Variants in PCDHGB2 observed in about 807,000 individuals in gnomAD.
PCDHGB2 encodes protocadherin gamma-B2.
Under a neutral mutation model 59.3 loss-of-function variants are expected in PCDHGB2, and 55 were observed. The observed-to-expected ratio is 0.93, with a 90% confidence interval of 0.75 to 1.16. The LOEUF (loss-of-function observed/expected upper bound fraction) is 1.16. Among genes scored for constraint, PCDHGB2 ranks in the 50% most tolerant of loss-of-function variants. PCDHGB2 has a pLI of 0.00. For synonymous variants in PCDHGB2, 516 were observed against 512.0 expected (o/e 1.01, Z -0.11); for missense variants, 1,228 against 1,198.5 (o/e 1.02, Z -0.36).
chr5:141,383,975 A>G (rs2150246512), intron 1 of PCDHGB2: 3 of 1,613,820 alleles, frequency 1.9e-6, no homozygotes, highest in South Asian at 2.2e-5. Flanking sequence ...ATCCCTGAAG[A>G]CACACCTCTT....
chr5:141,422,390 C>T, intron 1 of PCDHGB2: 1 of 1,591,016 alleles, frequency 6.3e-7, no homozygotes, highest in Non-Finnish European at 8.5e-7. Flanking sequence ...TGTTTTATTC[C>T]TAACCACCTG....
intron 1 of PCDHGB2, chr5:141,372,361 C>A (rs1227917364): frequency 6.2e-7 from 1 of 1,613,952 alleles, no homozygotes; most frequent in South Asian, 1.1e-5. Context: ...CCTCTTTCAG[C>A]CACCGTCATG....
At chr5:141,369,953 C>T (rs1473621246) in intron 1 of PCDHGB2, among the ~76,000 whole-genome samples, 1 of 152,124 alleles carries the variant, frequency 6.6e-6, no homozygotes, top group Non-Finnish European at 1.5e-5. Context: ...ATTATCTCTG[C>T]CCTTTGACAA....
chr5:141,438,681 G>T (rs2098050580), intron 1 of PCDHGB2, among the ~76,000 whole-genome samples: 1 of 142,154 alleles, frequency 7.0e-6, no homozygotes, highest in South Asian at 2.3e-4. Context: ...TGGAGTAGGG[G>T]ATGGAGTCTT....
chr5:141,365,265 C>A lies in PCDHGB2; in HGVS notation c.2421+2709C>A, dbSNP rs759196627. ...CTACAATCACTGGACTATGAAGAAT[C>A]CAGATTCTACCTCATGGAAGTGGTA... is the stretch of plus-strand genomic sequence containing the variant. On this transcript the variant is annotated intron_variant, in intron 1 of 3. Transcript: ENST00000522605. 53 of 1,613,846 alleles carry A rather than the reference C, an allele frequency of 3.3e-5. 1 individual carries two copies. The South Asian group carries it at 5.4e-4, about 16-fold the overall frequency.
At chr5:141,414,748 G>T (rs765780935) in intron 1 of PCDHGB2, 1 of 1,614,182 alleles carries the variant, frequency 6.2e-7, no homozygotes, top group South Asian at 1.1e-5. Context: ...CAGATCCTTC[G>T]ACTATGAGCA....
chr5:141,494,820 AC>A lies in PCDHGB2; in HGVS notation c.2436del (p.Asn812LysfsTer39). 6.2e-7 allele frequency: 1 copy of A among 1,613,988 alleles called. No homozygotes were observed. The highest frequency in any genetic ancestry group is 2.2e-5 in the East Asian group (1 of 44,874). On this transcript the variant is annotated frameshift_variant, in exon 2 of 4. Coordinates refer to ENST00000522605, the MANE Select transcript of PCDHGB2 (RefSeq NM_018923.3). LOFTEE classifies it high-confidence loss of function. ...TTTTCTCCACAGCAAGCCCCGCCCA[AC>A]ACGGACTGGCGTTTCTCTCAGGCCC... ...SDTILKQAPP[N>X]TDWRFSQAQR...
At position 141,415,641 on chromosome 5, in the gene PCDHGB2, TAA is replaced by T. The variant is rs113784532; in HGVS notation, c.2421+53095_2421+53096del. On this transcript the variant is annotated intron_variant, in intron 1 of 3. Transcript: ENST00000522605. ...GTTTTATTTTCATTTTTACTTTTGT[TAA>T]AAAAAAAAAGATTGGTTTTTACTTT... is the stretch of plus-strand genomic sequence containing the variant. 3.1e-5 allele frequency: 40 copies of T among 1,280,748 alleles called. No homozygotes were observed. The African/African-American group carries it at 4.6e-4, about 15-fold the overall frequency. 79.3% of individuals were successfully genotyped at this position (1,280,748 alleles called of 1,614,324 possible).
At chr5:141,407,881 C>T in intron 1 of PCDHGB2, 2 of 375,244 alleles carry the variant, frequency 5.3e-6, no homozygotes, top group Non-Finnish European at 9.5e-6. Context: ...ATATACATTT[C>T]GGAGACCGAA....
At chr5:141,440,982 A>G (rs940098060) in intron 1 of PCDHGB2, 4 of 152,234 alleles carry the variant, frequency 2.6e-5, no homozygotes, top group Non-Finnish European at 5.9e-5. Context: ...TTCACAACCC[A>G]GAGTACCCAT....
intron 2 of PCDHGB2, among the ~76,000 whole-genome samples, chr5:141,496,103 C>T (rs779317844): frequency 2.0e-5 from 3 of 152,218 alleles, no homozygotes; most frequent in South Asian, 2.1e-4. Flanking sequence ...ACCAACACCC[C>T]GCTCTCTTCC....
rs1400778058 is a variant in PCDHGB2 at position 141,366,688 on chromosome 5, G to A, written c.2421+4132G>A. The A allele has an allele frequency of 6.2e-6, 10 of 1,614,136 alleles. No individual in the cohort carries two copies. The Admixed American group carries it at 1.2e-4, about 19-fold the overall frequency. The stretch of plus-strand genomic sequence containing the variant: ...CGCTCCTTAGTGAAGAGAGCTGTGA[G>A]AAAAGCGAGCCTCTTCTGATGTCTG... On this transcript the variant is annotated intron_variant, in intron 1 of 3. Coordinates refer to ENST00000522605, the MANE Select transcript of PCDHGB2 (RefSeq NM_018923.3).
chr5:141,370,204 A>G, intron 1 of PCDHGB2: 1 of 545,938 alleles, frequency 1.8e-6, no homozygotes, highest in Non-Finnish European at 3.1e-6. Flanking sequence ...TGTGCAAAAT[A>G]TTGGCTCCTC....
At chr5:141,415,740 G>GTTTTTTTTTTTTTTTTT (rs57426385) in intron 1 of PCDHGB2, 21 of 625,042 alleles carry the variant, frequency 3.4e-5, no homozygotes, top group African/African-American at 7.5e-5. Flanking sequence ...GTTTATTAAG[G>GTTTTTTTTTTTTTTTTT]TTTTTTTTTT....
rs765634746 is a variant in PCDHGB2 at position 141,418,621 on chromosome 5, C to A, written c.2421+56065C>A. On this transcript the variant is annotated intron_variant, in intron 1 of 3. Transcript: ENST00000522605. Reference sequence around the variant, plus strand: ...TGTACAGGGTTAGCCTTCGGGAAGACGTGCCTCCAGGCACCTCCATCCTGA... The same window carrying A: ...TGTACAGGGTTAGCCTTCGGGAAGAAGTGCCTCCAGGCACCTCCATCCTGA... 8 of 1,614,034 alleles carry A rather than the reference C, an allele frequency of 5.0e-6. No individual in the cohort carries two copies. The East Asian group carries it at 1.8e-4, about 36-fold the overall frequency.
At chr5:141,366,341 A>G in intron 1 of PCDHGB2, 1 of 1,613,914 alleles carries the variant, frequency 6.2e-7, no homozygotes, top group South Asian at 1.1e-5. Flanking sequence ...GATCCCTGAC[A>G]TCCTGGCTGA....
chr5:141,511,320 A>G lies in PCDHGB2; in HGVS notation c.*147A>G. ...CATGCTCCCCTTGGGAAACAGAAAC[A>G]AGTGCCCAGTCAGCACCTACCCCTT... On this transcript the variant is annotated 3_prime_UTR_variant, in exon 4 of 4. Transcript: ENST00000522605. 6.8e-7 allele frequency: 1 copy of G among 1,475,678 alleles called. No homozygotes were observed. The highest frequency in any genetic ancestry group is 1.4e-5 in the South Asian group (1 of 72,746). 91.4% of individuals were successfully genotyped at this position (1,475,678 alleles called of 1,614,324 possible).
In PCDHGB2 at chr5:141,399,908, C is replaced by T. The variant is rs141997055; in HGVS notation, c.2421+37352C>T. 17,269 of 1,612,412 alleles carry T rather than the reference C, an allele frequency of 0.011. 105 individuals are homozygous for T. Among genetic ancestry groups the T allele is most frequent in the Non-Finnish European group, 0.012 (14,309 of 1,179,754 alleles). On this transcript the variant is annotated intron_variant, in intron 1 of 3. Transcript: ENST00000522605. ...AAGGTAGTGGCCGTGGACGCAGACT[C>T]AGGACACAACGCCTGGCTGTCCTAC... is the stretch of plus-strand genomic sequence containing the variant.
intron 1 of PCDHGB2, chr5:141,364,694 G>C (rs1404182809): frequency 4.3e-6 from 7 of 1,613,976 alleles, no homozygotes; most frequent in Non-Finnish European, 5.1e-6. Flanking sequence ...AGTAGAAGTA[G>C]AAATAATCGA....
Sources: allele counts gnomAD v4.1 joint callset (sites outside exome capture counted in the v4.1 genomes callset), GRCh38; gene constraint gnomAD v4.1.1; transcripts MANE v1.5; gene names NCBI Gene and HGNC (gene_info 2026-07-23, HGNC 2026-07-21).